The following KIAA1328 variants were observed in gnomAD, a reference collection of about 807,000 sequenced individuals.
The protein encoded by KIAA1328 is KIAA1328, also known as protein hinderin.
KIAA1328 carries 52 observed loss-of-function variants against 68.1 expected under a neutral mutation model. The observed-to-expected ratio is 0.76, with a 90% confidence interval of 0.61 to 0.96. KIAA1328 has a LOEUF of 0.96. Among genes scored for constraint, KIAA1328 ranks in the 40% least tolerant of loss-of-function variants. The probability of loss-of-function intolerance (pLI) is 0.00; values close to 1 mark genes in which losing one functional copy is unlikely to be tolerated. For missense variants in KIAA1328, 641 were observed against 677.6 expected (o/e 0.95, Z 0.60); for synonymous variants, 232 against 239.4 (o/e 0.97, Z 0.28).
chr18:37,019,182 T>C (rs2054255285), intron 6 of KIAA1328, among the ~76,000 whole-genome samples: 1 of 151,494 alleles, frequency 6.6e-6, no homozygotes, highest in Non-Finnish European at 1.5e-5. Context: ...CCTCCGAGTG[T>C]GACTGTGGAG....
chr18:37,006,263 GT>G lies in KIAA1328; in HGVS notation c.576+46837del, dbSNP rs887603532. 6.0e-5 allele frequency among the ~76,000 whole-genome samples: 9 copies of G among 150,882 alleles called. No individual in the cohort carries two copies. The South Asian group carries it at 6.3e-4, about 11-fold the overall frequency. ...AGATGTATAATGTGTAAACATATGG[GT>G]TTTTTTTTCCCAAAAGTCAAGAGTA... On this transcript the variant is annotated intron_variant, in intron 6 of 9. Coordinates refer to ENST00000280020, the MANE Select transcript of KIAA1328 (RefSeq NM_020776.3).
chr18:37,058,093 C>T (rs1049343984), intron 6 of KIAA1328, among the ~76,000 whole-genome samples: 1 of 152,082 alleles, frequency 6.6e-6, no homozygotes, highest in Non-Finnish European at 1.5e-5. Context: ...GAGTCAGGGA[C>T]TGTAGGGAAG....
intron 9 of KIAA1328, among the ~76,000 whole-genome samples, chr18:37,190,459 G>T (rs992999836): frequency 1.3e-5 from 2 of 152,098 alleles, no homozygotes; most frequent in Admixed American, 6.5e-5. Context: ...ATGGTTAAAT[G>T]GAATCTTTCT....
chr18:36,858,536 A>C (rs1287029291), intron 4 of KIAA1328, among the ~76,000 whole-genome samples: 2 of 152,346 alleles, frequency 1.3e-5, no homozygotes, highest in African/African-American at 4.8e-5. Flanking sequence ...TAGCCTATCA[A>C]CTTTGTTTTG....
intron 6 of KIAA1328, among the ~76,000 whole-genome samples, chr18:36,998,759 T>C (rs997725205): frequency 6.6e-6 from 1 of 152,190 alleles, no homozygotes; most frequent in Non-Finnish European, 1.5e-5. Flanking sequence ...ACCAGCATCA[T>C]AGATACACCT....
At chr18:36,837,699 A>G (rs1447909900) in intron 3 of KIAA1328, among the ~76,000 whole-genome samples, 1 of 152,008 alleles carries the variant, frequency 6.6e-6, no homozygotes, top group East Asian at 1.9e-4. Context: ...TTTTTTTTCT[A>G]AGAATTTTAA....
At chr18:37,025,793 C>G (rs2054550132) in intron 6 of KIAA1328, among the ~76,000 whole-genome samples, 1 of 152,086 alleles carries the variant, frequency 6.6e-6, no homozygotes, top group Non-Finnish European at 1.5e-5. Context: ...AATTGACACC[C>G]TAACATCGCA....
rs200390047 is a variant in KIAA1328 at position 37,160,273 on chromosome 18, A to G, written c.1306A>G (p.Asn436Asp). The G allele has an allele frequency of 5.6e-5, 90 of 1,613,518 alleles. No individual in the cohort carries two copies. The highest frequency in any genetic ancestry group is 7.0e-5 in the Non-Finnish European group (82 of 1,179,714). Residue 436 changes from asparagine to aspartate, a missense_variant, in exon 8 of 10, where the codon AAC becomes GAC. By Grantham distance (23) the Asn-to-Asp change is conservative. Coordinates refer to ENST00000280020, the MANE Select transcript of KIAA1328 (RefSeq NM_020776.3). ...TATTAAAAAGCACCAAGACCCCCCA[A>G]ACAGTGGAGAGAATAGGAAGGAGAG... The part of the protein sequence containing the change: ...SSIKKHQDPP[N>D]SGENRKERKT...
chr18:37,078,670 G>C (rs1383060143), intron 7 of KIAA1328, among the ~76,000 whole-genome samples: 1 of 148,432 alleles, frequency 6.7e-6, no homozygotes, highest in Non-Finnish European at 1.5e-5. Context: ...GTGGGCAAAG[G>C]ACATGAACAG....
intron 4 of KIAA1328, among the ~76,000 whole-genome samples, chr18:36,869,847 A>G (rs1231789523): frequency 1.3e-5 from 2 of 152,114 alleles, no homozygotes; most frequent in African/African-American, 4.8e-5. Flanking sequence ...TCAGGTTAGT[A>G]CTTTATAATT....
intron 5 of KIAA1328, among the ~76,000 whole-genome samples, chr18:36,955,331 T>TTTTTG (rs2051365932): frequency 7.7e-6 from 1 of 130,392 alleles, no homozygotes; most frequent in Non-Finnish European, 1.7e-5. Context: ...TTTTTTTTTT[T>TTTTTG]GATGGAGTCT....
At chr18:36,945,459 C>T (rs1259893408) in intron 5 of KIAA1328, among the ~76,000 whole-genome samples, 1 of 152,142 alleles carries the variant, frequency 6.6e-6, no homozygotes, top group Non-Finnish European at 1.5e-5. Flanking sequence ...TAGCCTCAGT[C>T]ATTTTCAAAG....
At chr18:37,040,665 T>C (rs1439043980) in intron 6 of KIAA1328, among the ~76,000 whole-genome samples, 1 of 151,876 alleles carries the variant, frequency 6.6e-6, no homozygotes, top group African/African-American at 2.4e-5. Context: ...CTTAAATCTT[T>C]TTTTTTCCTT....
intron 6 of KIAA1328, among the ~76,000 whole-genome samples, chr18:37,059,608 A>C (rs568320204): frequency 6.6e-6 from 1 of 152,342 alleles, no homozygotes; most frequent in Admixed American, 6.5e-5. Context: ...AAATTAGTTC[A>C]ACCATTGTGG....
chr18:36,883,952 GTA>G lies in KIAA1328; in HGVS notation c.333-1588_333-1587del, dbSNP rs58707237. On this transcript the variant is annotated intron_variant, in intron 4 of 9. Coordinates refer to ENST00000280020, the MANE Select transcript of KIAA1328 (RefSeq NM_020776.3). ...TACAAATGCTTTCCATATTTATAAAGTATATATATATATATATACACACACAG... is the reference window on the plus strand; with the variant it reads ...TACAAATGCTTTCCATATTTATAAAGTATATATATATATATACACACACAG... Among the ~76,000 whole-genome samples the G allele has an allele frequency of 8.3e-4, 100 of 120,508 alleles. 1 individual carries two copies. The highest frequency in any genetic ancestry group is 1.0e-3 in the African/African-American group (31 of 30,348). The allele number at this position is 120,508 out of a possible 152,430, so 79.1% of individuals were successfully genotyped here.
chr18:36,845,170 G>C (rs1440530799), intron 4 of KIAA1328, among the ~76,000 whole-genome samples: 1 of 151,620 alleles, frequency 6.6e-6, no homozygotes, highest in Non-Finnish European at 1.5e-5. Flanking sequence ...CAGAATACAG[G>C]GTGTGAGAAT....
intron 7 of KIAA1328, among the ~76,000 whole-genome samples, chr18:37,116,589 A>G (rs549439398): frequency 1.1e-4 from 16 of 152,376 alleles, no homozygotes; most frequent in African/African-American, 3.4e-4. Context: ...ACCATTCAGG[A>G]CATAGGCATG....
At chr18:36,831,156 A>G (rs550057561) in intron 1 of KIAA1328, among the ~76,000 whole-genome samples, 2 of 152,366 alleles carry the variant, frequency 1.3e-5, no homozygotes, top group South Asian at 2.1e-4. Context: ...CCAAAAAGTA[A>G]GTACCTATAA....
intron 1 of KIAA1328, among the ~76,000 whole-genome samples, chr18:36,829,729 G>A (rs1470176535): frequency 6.6e-6 from 1 of 152,182 alleles, no homozygotes; most frequent in Admixed American, 6.5e-5. Context: ...TGTGGAGCTT[G>A]GTTACTGGGA....
Sources: gnomAD v4.1 joint callset for allele counts (sites outside exome capture counted in the v4.1 genomes callset) on GRCh38, gnomAD v4.1.1 for gene constraint, MANE v1.5 for transcripts, NCBI Gene and HGNC (gene_info 2026-07-23, HGNC 2026-07-21) for gene names.